HPS1: variants seen among roughly 807,000 people sequenced by gnomAD.
HPS1 encodes the protein HPS1 biogenesis of lysosomal organelles complex 3 subunit 1.
A neutral mutation model predicts 90.6 loss-of-function variants in HPS1; 59 were observed. The ratio of observed to expected loss-of-function variants is 0.65; its 90% CI spans 0.53 to 0.81. HPS1 has a LOEUF of 0.81. HPS1 is among the 30% of genes least tolerant of loss of function. The pLI is 0.00. For missense variants in HPS1, 849 were observed against 896.7 expected (o/e 0.95, Z 0.68); for synonymous variants, 388 against 384.4 (o/e 1.01, Z -0.11).
chr10:98,431,554 A>G (rs1846480604), intron 6 of HPS1, among the ~76,000 whole-genome samples: 1 of 152,272 alleles, frequency 6.6e-6, no homozygotes, highest in Non-Finnish European at 1.5e-5. Context: ...AGTACAAAAT[A>G]CACAGCACTA....
Position 98,435,047 on chromosome 10 carries a change from G to A in HPS1, c.398+225C>T, listed in dbSNP as rs193096360. On this transcript the variant is annotated intron_variant, in intron 5 of 19. Transcript: ENST00000361490. This position sits in a 1 kb window ranked among gnomAD's most constrained non-coding sequence, Gnocchi z 4.3. ...GGATGTGGCCACCAACCAGCTAGAT[G>A]ACCCCAGGCAAGTGAGTTCCATTCT... 3 of 571,722 alleles carry A rather than the reference G, an allele frequency of 5.2e-6. No homozygotes were observed. In the East Asian group the frequency reaches 9.2e-5, roughly 18 times the overall value. The allele number at this position is 571,722 out of a possible 1,614,324, so 35.4% of individuals were successfully genotyped here.
At chr10:98,413,983 T>C (rs968652521), downstream of HPS1, 2 of 152,136 alleles carry the variant, frequency 1.3e-5, no homozygotes, top group Non-Finnish European at 2.9e-5. Context: ...ATTTGTAAAA[T>C]TGTGTGCAGT....
chr10:98,427,819 T>C (rs1845817636), intron 10 of HPS1, among the ~76,000 whole-genome samples: 1 of 152,242 alleles, frequency 6.6e-6, no homozygotes, highest in Non-Finnish European at 1.5e-5. Context: ...GTAATAATAC[T>C]GTTACCTCTT....
intron 11 of HPS1, chr10:98,426,203 C>T: frequency 5.4e-6 from 3 of 555,796 alleles, no homozygotes; most frequent in South Asian, 2.1e-5. Context: ...GAGTCTGGCC[C>T]GGGTGCCAAG....
Position 98,431,269 on chromosome 10 carries a change from G to T in HPS1, c.530C>A (p.Pro177His). ...AVEALERLIH[P>H]QLCELCIEAL... ...CTCTATGCACAGCTCACAGAGCTGG[G>T]GGTGAATCAGTCGCTCCAGGGCCTA... Residue 177 changes from proline to histidine, a missense_variant, in exon 7 of 20, where the codon CCC (proline) becomes CAC (histidine). Pro to His is a moderately conservative substitution (Grantham distance 77). Transcript: ENST00000361490. The T allele has an allele frequency of 1.2e-6, 2 of 1,613,832 alleles. No homozygotes were observed.
At chr10:98,429,159 GT>G (rs955894755) in intron 10 of HPS1, 159 of 1,019,966 alleles carry the variant, frequency 1.6e-4, no homozygotes, top group African/African-American at 1.7e-4. Context: ...AATATTTATA[GT>G]TTTTTTTTAT....
rs1939428391 is a variant in HPS1 at position 98,445,921 on chromosome 10, C to G, written c.-105-517G>C. Among the ~76,000 whole-genome samples the G allele has an allele frequency of 6.6e-6, 1 of 152,226 alleles. No individual in the cohort carries two copies. Among genetic ancestry groups the G allele is most frequent in the Non-Finnish European group, 1.5e-5 (1 of 68,044 alleles). On this transcript the variant is annotated intron_variant, in intron 1 of 19. Coordinates refer to ENST00000361490, the MANE Select transcript of HPS1 (RefSeq NM_000195.5). The surrounding 1 kb of genome is among the most constrained non-coding windows in gnomAD (Gnocchi z 4.5). Reference sequence around the variant, plus strand: ...CTGCGGAGAAACAGAGCAACATCCCCTACTCTACCTCCCTACAGGGTTAGA... The same window carrying G: ...CTGCGGAGAAACAGAGCAACATCCCGTACTCTACCTCCCTACAGGGTTAGA...
chr10:98,435,469 G>C lies in HPS1; in HGVS notation c.256-55C>G. 6.2e-7 allele frequency: 1 copy of C among 1,613,092 alleles called. No individual in the cohort carries two copies. Among genetic ancestry groups the C allele is most frequent in the Non-Finnish European group, 8.5e-7 (1 of 1,179,574 alleles). On this transcript the variant is annotated intron_variant, in intron 4 of 19. Coordinates refer to ENST00000361490, the MANE Select transcript of HPS1 (RefSeq NM_000195.5). This position sits in a 1 kb window ranked among gnomAD's most constrained non-coding sequence, Gnocchi z 4.3. ...AGCCCCAAGGGCACTCCCTTCACCT[G>C]CCCTGGTCTCTGCAGACAAGCCAGG...
rs1370858560 is a variant in HPS1 at position 98,417,934 on chromosome 10, C to T, written c.1941-208G>A. On this transcript the variant is annotated intron_variant, in intron 19 of 19. Coordinates refer to ENST00000361490, the MANE Select transcript of HPS1 (RefSeq NM_000195.5). This position sits in a 1 kb window ranked among gnomAD's most constrained non-coding sequence, Gnocchi z 4.2. Reference sequence around the variant, plus strand: ...AGGTAGCAGTGGGGATGTTCTGGGCCGGGCACAGACGTTCCCCGTGCTGCC... The same window carrying T: ...AGGTAGCAGTGGGGATGTTCTGGGCTGGGCACAGACGTTCCCCGTGCTGCC... Among the ~76,000 whole-genome samples the T allele has an allele frequency of 1.3e-5, 2 of 152,266 alleles. No homozygotes were observed. Among genetic ancestry groups the T allele is most frequent in the Non-Finnish European group, 2.9e-5 (2 of 68,006 alleles).
At chr10:98,414,974 C>T (rs1424703349), downstream of HPS1, 2 of 1,607,436 alleles carry the variant, frequency 1.2e-6, no homozygotes, top group South Asian at 1.1e-5. Context: ...TCTTCCCGCC[C>T]CTCAGCTCTG....
intron 3 of HPS1, among the ~76,000 whole-genome samples, chr10:98,441,038 C>T (rs780070608): frequency 3.0e-4 from 45 of 152,124 alleles, no homozygotes; most frequent in African/African-American, 5.1e-4. Flanking sequence ...GATGAGAACA[C>T]GAGTGATGTT....
chr10:98,421,979 G>GACACACACACACACAC lies in HPS1; in HGVS notation c.1743+374_1743+389dup, dbSNP rs200573934. ...AGAAAGAAAAGAACACACACACACA[G>GACACACACACACACAC]ACACACACACACACACACACACACA... On this transcript the variant is annotated intron_variant, in intron 17 of 19. Transcript: ENST00000361490. 1.8e-3 allele frequency among the ~76,000 whole-genome samples: 252 copies of GACACACACACACACAC among 140,028 alleles called. 1 individual carries two copies. Among genetic ancestry groups the GACACACACACACACAC allele is most frequent in the Middle Eastern group, 3.6e-3 (1 of 278 alleles). 91.9% of individuals were successfully genotyped at this position (140,028 alleles called of 152,430 possible).
rs1847464565 is a variant in HPS1 at position 98,437,201 on chromosome 10, G to A, written c.118-1429C>T. On this transcript the variant is annotated intron_variant, in intron 3 of 19. Coordinates refer to ENST00000361490, the MANE Select transcript of HPS1 (RefSeq NM_000195.5). ...ATGAAAGCAAGGATCATGTTGCTACGTTTACTGCTTTACCCCGAGAGACTG... is the reference window on the plus strand; with the variant it reads ...ATGAAAGCAAGGATCATGTTGCTACATTTACTGCTTTACCCCGAGAGACTG... 2.6e-5 allele frequency among the ~76,000 whole-genome samples: 4 copies of A among 152,154 alleles called. No homozygotes were observed. In the South Asian group the frequency reaches 6.2e-4, roughly 24 times the overall value.
intron 18 of HPS1, among the ~76,000 whole-genome samples, chr10:98,419,442 C>T (rs896073594): frequency 2.6e-5 from 4 of 151,982 alleles, no homozygotes; most frequent in African/African-American, 9.7e-5. Flanking sequence ...CCACTGCACC[C>T]CTCACAGCCC....
chr10:98,430,938 C>G (rs1257614130), intron 7 of HPS1, among the ~76,000 whole-genome samples, 193 bp downstream of exon 7: 1 of 152,222 alleles, frequency 6.6e-6, no homozygotes, highest in Non-Finnish European at 1.5e-5. Context: ...GACTCTAAGA[C>G]AGTGTTCCAG....
intron 6 of HPS1, 128 bp from the exon 7 acceptor site, chr10:98,431,419 AG>A (rs1491549538): frequency 2.0e-6 from 2 of 1,008,836 alleles, no homozygotes; most frequent in Non-Finnish European, 2.9e-6. Context: ...ACTTGGAAAC[AG>A]GGGGACTAAG....
chr10:98,415,075 T>C (rs749913925), downstream of HPS1: 1 of 1,614,084 alleles, frequency 6.2e-7, no homozygotes, highest in Admixed American at 1.7e-5. Context: ...TTATCTCGTC[T>C]CCACGCCGGG....
Position 98,423,593 on chromosome 10 carries a change from G to A in HPS1, c.1598+10C>T, listed in dbSNP as rs774748856. The A allele has an allele frequency of 4.2e-5, 68 of 1,613,620 alleles. No homozygotes were observed. The highest frequency in any genetic ancestry group is 1.7e-4 in the Middle Eastern group (1 of 6,054). On this transcript the variant is annotated intron_variant, in intron 16 of 19. Coordinates refer to ENST00000361490, the MANE Select transcript of HPS1 (RefSeq NM_000195.5). The stretch of plus-strand genomic sequence containing the variant: ...TTGTTGGGCTGGCTGGGGCCCCGGC[G>A]TCAGGATATGACACCATGGTGATGT...
At chr10:98,414,836 T>C, downstream of HPS1, 1 of 999,420 alleles carries the variant, frequency 1.0e-6, no homozygotes, top group Non-Finnish European at 1.4e-6. Flanking sequence ...GGTGCCTGCC[T>C]GCCAGATGGA....
Sources: allele counts gnomAD v4.1 joint callset (sites outside exome capture counted in the v4.1 genomes callset), GRCh38; gene constraint gnomAD v4.1.1; non-coding constraint Gnocchi (gnomAD v3.1); transcripts MANE v1.5; gene names NCBI Gene and HGNC (gene_info 2026-07-23, HGNC 2026-07-21).